The following NACC2 variants were observed in gnomAD, a reference collection of about 807,000 sequenced individuals.
NACC2 encodes the protein NACC family member 2.
In NACC2, 8 loss-of-function variants were observed where a neutral mutation model predicts 25.1. The observed-to-expected ratio is 0.32, with a 90% CI of 0.19 to 0.57. The LOEUF is 0.57. Among genes scored for constraint, NACC2 ranks in the 20% least tolerant of loss-of-function variants. NACC2 has a pLI of 0.89. For synonymous variants in NACC2, 435 were observed against 294.7 expected (o/e 1.48, Z -4.88); for missense variants, 644 against 650.2 (o/e 0.99, Z 0.10).
At chr9:136,062,588 C>T (rs1841028023) in intron 1 of NACC2, among the ~76,000 whole-genome samples, 1 of 152,226 alleles carries the variant, frequency 6.6e-6, no homozygotes, top group Non-Finnish European at 1.5e-5. Flanking sequence ...TACCTGTTCT[C>T]TGTACGTTCA....
In NACC2 at chr9:136,055,107, G is replaced by T. The variant is rs1200269002; in HGVS notation, c.-59-4527C>A. ...CAGAGCCTCACTTGAGGAAGGCTGA[G>T]ATCCAGGCCTGCCCTGCCCTGGGGT... is the stretch of plus-strand genomic sequence containing the variant. On this transcript the variant is annotated intron_variant, in intron 1 of 5. Coordinates refer to ENST00000277554, the MANE Select transcript of NACC2 (RefSeq NM_144653.5). This position sits in a 1 kb window ranked among gnomAD's most constrained non-coding sequence, Gnocchi z 4.9. Among the ~76,000 whole-genome samples, 2 of 152,074 alleles carry T rather than the reference G, an allele frequency of 1.3e-5. No individual in the cohort carries two copies. The highest frequency in any genetic ancestry group is 2.4e-5 in the African/African-American group (1 of 41,446).
At position 136,055,812 on chromosome 9, in the gene NACC2, G is replaced by GC. The variant is rs1840915901; in HGVS notation, c.-59-5233dup. Among the ~76,000 whole-genome samples the GC allele has an allele frequency of 6.6e-6, 1 of 152,076 alleles. No individual in the cohort carries two copies. The highest frequency in any genetic ancestry group is 6.5e-5 in the Admixed American group (1 of 15,272). ...GAGAGTCCCTCTACCCCGAGCCCCG[G>GC]CCCCTGGTGGAGACTGCCTGGCAGT... On this transcript the variant is annotated intron_variant, in intron 1 of 5. Coordinates refer to ENST00000277554, the MANE Select transcript of NACC2 (RefSeq NM_144653.5). This position sits in a 1 kb window ranked among gnomAD's most constrained non-coding sequence, Gnocchi z 4.9.
At chr9:136,093,615 C>T (rs73668074) in intron 1 of NACC2, among the ~76,000 whole-genome samples, 4,201 of 152,324 alleles carry the variant, frequency 0.028, 73 homozygotes, top group African/African-American at 0.038. Context: ...GTGGCTTTGC[C>T]GAAAGGACAG....
rs1410821443 is a variant in NACC2 at position 136,044,902 on chromosome 9, G to A, written c.886+4734C>T. 2.6e-5 allele frequency among the ~76,000 whole-genome samples: 4 copies of A among 152,308 alleles called. No individual in the cohort carries two copies. In the South Asian group the frequency reaches 6.2e-4, roughly 24 times the overall value. On this transcript the variant is annotated intron_variant, in intron 2 of 5. Transcript: ENST00000277554. ...GGCCGGGAGCACCCCACCCAAGCCT[G>A]GGTGTTCAGCCGGGGGATGGACGGG...
chr9:136,039,270 T>C (rs1564226934), intron 2 of NACC2, among the ~76,000 whole-genome samples: 1 of 152,240 alleles, frequency 6.6e-6, no homozygotes, highest in Non-Finnish European at 1.5e-5. Flanking sequence ...AATAGTTCTA[T>C]GTCTAAAGTA....
At chr9:136,080,450 C>A (rs1830309026) in intron 1 of NACC2, among the ~76,000 whole-genome samples, 3 of 152,150 alleles carry the variant, frequency 2.0e-5, no homozygotes, top group Admixed American at 1.3e-4. Context: ...CGCACGCCTG[C>A]AATCCCAGCT....
rs908584405 is a variant in NACC2, at chr9:136,050,951, A to C, written c.-59-371T>G. The stretch of plus-strand genomic sequence containing the variant: ...GGCCGCCGGGGGAGCCTCTGGGCAA[A>C]CCTGCAGCCACTCTCCTCCCCTCAA... On this transcript the variant is annotated intron_variant, in intron 1 of 5. Coordinates refer to ENST00000277554, the MANE Select transcript of NACC2 (RefSeq NM_144653.5). Among the ~76,000 whole-genome samples, 358 of 152,144 alleles carry C rather than the reference A, an allele frequency of 2.4e-3. 1 individual carries two copies. The highest frequency in any genetic ancestry group is 8.3e-3 in the African/African-American group (345 of 41,526).
intron 2 of NACC2, among the ~76,000 whole-genome samples, chr9:136,031,905 T>A (rs1053679579): frequency 9.5e-5 from 14 of 147,916 alleles, no homozygotes; most frequent in Middle Eastern, 3.4e-3. Context: ...GGTTTTGGCA[T>A]CTGCACCAAC....
At position 136,085,932 on chromosome 9, in the gene NACC2, A is replaced by G. The variant is rs529680444; in HGVS notation, c.-60+9257T>C. 9.5e-3 allele frequency among the ~76,000 whole-genome samples: 1,449 copies of G among 151,816 alleles called. 21 individuals carry two copies. Among genetic ancestry groups the G allele is most frequent in the African/African-American group, 0.033 (1,349 of 41,346 alleles). On this transcript the variant is annotated intron_variant, in intron 1 of 5. Coordinates refer to ENST00000277554, the MANE Select transcript of NACC2 (RefSeq NM_144653.5). ...GGCAGCTCCAATGGGAGGGGCTGGC[A>G]GAGCCCGGAGGCTGGGCACTGCACA...
Position 136,036,411 on chromosome 9 carries a change from G to T in NACC2, c.886+13225C>A, listed in dbSNP as rs897230058. On this transcript the variant is annotated intron_variant, in intron 2 of 5. Coordinates refer to ENST00000277554, the MANE Select transcript of NACC2 (RefSeq NM_144653.5). Reference sequence around the variant, plus strand: ...GTCACCTTAAGGAGAAGAAAAATCAGTAAACAGAAACAGACCAAGAAATGA... The same window carrying T: ...GTCACCTTAAGGAGAAGAAAAATCATTAAACAGAAACAGACCAAGAAATGA... 1.4e-3 allele frequency among the ~76,000 whole-genome samples: 215 copies of T among 152,118 alleles called. 2 individuals are homozygous for T. Among genetic ancestry groups the T allele is most frequent in the Non-Finnish European group, 2.5e-3 (173 of 67,984 alleles).
intron 2 of NACC2, among the ~76,000 whole-genome samples, chr9:136,024,897 G>C (rs1026461557): frequency 6.6e-6 from 1 of 152,232 alleles, no homozygotes; most frequent in Non-Finnish European, 1.5e-5. Context: ...GTGGCTGACA[G>C]AGCCGGGAGC....
At chr9:136,051,875 CAAGGAGGAGGAGGAG>C (rs1840846516) in intron 1 of NACC2, among the ~76,000 whole-genome samples, 1 of 105,220 alleles carries the variant, frequency 9.5e-6, no homozygotes, top group Non-Finnish European at 1.7e-5. Context: ...AGGGAGCCGG[CAAGGAGGAGGAGGAG>C]GAGGAGGAGG....
intron 2 of NACC2, among the ~76,000 whole-genome samples, chr9:136,037,368 C>A (rs894605140): frequency 1.3e-5 from 2 of 152,088 alleles, no homozygotes; most frequent in Admixed American, 6.5e-5. Flanking sequence ...GAACTACAGG[C>A]ACACACCACA....
At chr9:136,074,389 C>A in intron 1 of NACC2, among the ~76,000 whole-genome samples, 1 of 143,110 alleles carries the variant, frequency 7.0e-6, no homozygotes, top group Non-Finnish European at 1.5e-5. Context: ...GGAGGCGGAG[C>A]TTGCAGTGAG....
At chr9:136,042,847 GACAC>G (rs973119432) in intron 2 of NACC2, among the ~76,000 whole-genome samples, 4 of 109,148 alleles carry the variant, frequency 3.7e-5, no homozygotes, top group African/African-American at 1.4e-4. Flanking sequence ...GACACATACA[GACAC>G]ACACAGAGAC....
chr9:136,080,205 G>A (rs984580848), intron 1 of NACC2, among the ~76,000 whole-genome samples: 1 of 152,174 alleles, frequency 6.6e-6, no homozygotes, highest in Non-Finnish European at 1.5e-5. Context: ...CAGGGATGGT[G>A]CCAGAGCGGT....
intron 2 of NACC2, 117 bp downstream of exon 2, chr9:136,049,518 TG>T (rs1320268255): frequency 5.2e-5 from 32 of 614,350 alleles, no homozygotes; most frequent in Admixed American, 2.8e-5. Flanking sequence ...CCAGGCTTGG[TG>T]GGGGGCTCCC....
intron 1 of NACC2, among the ~76,000 whole-genome samples, chr9:136,094,897 G>A (rs867885900): frequency 8.7e-5 from 13 of 150,158 alleles, no homozygotes; most frequent in African/African-American, 1.2e-4. Flanking sequence ...CGGAGCCGGG[G>A]TCTCCCCGAA....
At chr9:136,046,853 G>C (rs879867245) in intron 2 of NACC2, among the ~76,000 whole-genome samples, 1 of 152,188 alleles carries the variant, frequency 6.6e-6, no homozygotes, top group African/African-American at 2.4e-5. Context: ...GGGCTGTGCC[G>C]GGGACAAAAG....
Sources: allele counts gnomAD v4.1 joint callset (sites outside exome capture counted in the v4.1 genomes callset), GRCh38; gene constraint gnomAD v4.1.1; non-coding constraint Gnocchi (gnomAD v3.1); transcripts MANE v1.5; gene names NCBI Gene and HGNC (gene_info 2026-07-23, HGNC 2026-07-21).